Variants in CSMD1 observed in about 807,000 individuals in gnomAD.
CSMD1 encodes CUB and Sushi multiple domains 1.
In CSMD1, 213 loss-of-function variants were observed where a neutral mutation model predicts 417.5. The ratio of observed to expected loss-of-function variants is 0.51; its 90% CI spans 0.46 to 0.57. The LOEUF is 0.57. Among genes scored for constraint, CSMD1 ranks in the 20% least tolerant of loss-of-function variants. The pLI is 0.00. For missense variants in CSMD1, 6,923 were observed against 4,529.7 expected (o/e 1.53, Z -15.17); for synonymous variants, 2,862 against 1,736.8 (o/e 1.65, Z -16.11).
At chr8:3,001,411 T>G (rs1807395972) in intron 52 of CSMD1, among the ~76,000 whole-genome samples, 3 of 152,144 alleles carry the variant, frequency 2.0e-5, no homozygotes, top group Admixed American at 2.0e-4. Context: ...ATGGAAAGGG[T>G]ATTCTTATTA....
Position 4,174,107 on chromosome 8 carries a change from G to C in CSMD1, c.416-142008C>G, listed in dbSNP as rs558409395. Among the ~76,000 whole-genome samples the C allele has an allele frequency of 2.6e-4, 39 of 152,244 alleles. 1 individual carries two copies. Among genetic ancestry groups the C allele is most frequent in the African/African-American group, 8.9e-4 (37 of 41,520 alleles). On this transcript the variant is annotated intron_variant, in intron 3 of 69. Transcript: ENST00000635120. ...CAACATCAGGGAGACTCACAGAGTG[G>C]AGGGTAGGGCAAGCCTGGAAAGGGA...
chr8:4,426,605 ATAAAT>A (rs1488166819), intron 2 of CSMD1, among the ~76,000 whole-genome samples: 3 of 104,894 alleles, frequency 2.9e-5, no homozygotes, highest in African/African-American at 1.1e-4. Context: ...TATATATACT[ATAAAT>A]TATATTGTTT....
chr8:4,031,806 A>G, intron 4 of CSMD1, 99 bp downstream of exon 4: 1 of 873,710 alleles, frequency 1.1e-6, no homozygotes, highest in Non-Finnish European at 1.7e-6. Context: ...TCAGCTCAAC[A>G]TGTATTATTT....
intron 49 of CSMD1, among the ~76,000 whole-genome samples, chr8:3,066,794 G>A (rs1182984464): frequency 2.0e-5 from 3 of 152,242 alleles, no homozygotes; most frequent in East Asian, 1.9e-4. Flanking sequence ...CAGAAAATTG[G>A]AAACTCTTAT....
At chr8:3,498,956 A>C (rs915775044) in intron 10 of CSMD1, among the ~76,000 whole-genome samples, 1 of 152,116 alleles carries the variant, frequency 6.6e-6, no homozygotes, top group Non-Finnish European at 1.5e-5. Flanking sequence ...TATCTTTAAC[A>C]TCATTATTTT....
At chr8:3,531,512 T>C (rs1195894230) in intron 10 of CSMD1, among the ~76,000 whole-genome samples, 1 of 152,060 alleles carries the variant, frequency 6.6e-6, no homozygotes, top group Non-Finnish European at 1.5e-5. Context: ...CAGGGTAGCA[T>C]AAAGAAGAAG....
chr8:4,275,257 G>C (rs1796416572), intron 3 of CSMD1, among the ~76,000 whole-genome samples: 1 of 152,056 alleles, frequency 6.6e-6, no homozygotes, highest in Middle Eastern at 3.2e-3. Flanking sequence ...TGGGCGAAAT[G>C]AAAGCAATAT....
chr8:4,494,324 T>C (rs1031322247), intron 2 of CSMD1, among the ~76,000 whole-genome samples: 1 of 152,228 alleles, frequency 6.6e-6, no homozygotes, highest in Non-Finnish European at 1.5e-5. Context: ...GTTATTTTCA[T>C]GGCCATGGTA....
chr8:4,459,624 G>A (rs560743755), intron 2 of CSMD1, among the ~76,000 whole-genome samples: 27 of 152,244 alleles, frequency 1.8e-4, no homozygotes, highest in East Asian at 9.6e-4. Flanking sequence ...ATCGCATTGT[G>A]GGTTAGAACA....
At chr8:4,757,351 G>A (rs1043698335) in intron 1 of CSMD1, among the ~76,000 whole-genome samples, 2 of 152,064 alleles carry the variant, frequency 1.3e-5, no homozygotes, top group African/African-American at 4.8e-5. Context: ...TGCTAGCTAG[G>A]CCCCAACTCA....
Position 4,136,207 on chromosome 8 carries a change from A to G in CSMD1, c.416-104108T>C, listed in dbSNP as rs535141992. ...AAAAGAACAGCTATGTGAACACAAAAATTGATCACATATATAGAAATGAAC... is the reference window on the plus strand; with the variant it reads ...AAAAGAACAGCTATGTGAACACAAAGATTGATCACATATATAGAAATGAAC... On this transcript the variant is annotated intron_variant, in intron 3 of 69. Transcript: ENST00000635120. Among the ~76,000 whole-genome samples the G allele has an allele frequency of 3.3e-4, 51 of 152,316 alleles. No individual in the cohort carries two copies. In the South Asian group the frequency reaches 1.0e-2, roughly 30 times the overall value.
In CSMD1 at chr8:4,447,432, A is replaced by T. The variant is rs144638589; in HGVS notation, c.303-27367T>A. ...CCTGAAGTGGATGGCATTTGTCTGG[A>T]CCCAGAGGAAGGAGTAGAATTTATA... On this transcript the variant is annotated intron_variant, in intron 2 of 69. Transcript: ENST00000635120. Among the ~76,000 whole-genome samples the T allele has an allele frequency of 3.3e-5, 5 of 152,312 alleles. No individual in the cohort carries two copies. The East Asian group carries it at 9.6e-4, about 29-fold the overall frequency.
Position 3,205,610 on chromosome 8 carries a change from T to A in CSMD1, c.4878A>T (p.Gly1626=), listed in dbSNP as rs1490878917. Residue 1626 remains glycine, a synonymous_variant, in exon 31 of 70, where the codon GGA becomes GGT. Transcript: ENST00000635120. ...QVLPSCNAPC[G]GQYTGSEGVV... is the part of the protein sequence containing the mutation. ...CCCCTTCTGATCCCGTGTACTGGCC[T>A]CCACAGGGAGCTGAAAATAAAATCA... The A allele has an allele frequency of 2.6e-6, 4 of 1,540,024 alleles. No individual in the cohort carries two copies. Among genetic ancestry groups the A allele is most frequent in the Non-Finnish European group, 3.5e-6 (4 of 1,128,470 alleles).
intron 12 of CSMD1, among the ~76,000 whole-genome samples, chr8:3,418,706 A>C (rs1049208170): frequency 6.6e-6 from 1 of 152,158 alleles, no homozygotes; most frequent in East Asian, 1.9e-4. Flanking sequence ...AGAAATCTAC[A>C]TTAACATCAC....
chr8:4,001,198 G>A (rs1328936935), intron 4 of CSMD1, among the ~76,000 whole-genome samples: 1 of 152,188 alleles, frequency 6.6e-6, no homozygotes, highest in East Asian at 1.9e-4. Flanking sequence ...CAAGTGTATA[G>A]AATAAGAAGC....
chr8:4,801,321 G>A (rs1798269928), intron 1 of CSMD1, among the ~76,000 whole-genome samples: 3 of 152,140 alleles, frequency 2.0e-5, no homozygotes, highest in Admixed American at 2.0e-4. Context: ...GAGGGTGGAA[G>A]TGGAAGATGT....
intron 1 of CSMD1, among the ~76,000 whole-genome samples, chr8:4,940,968 C>A (rs12544963): frequency 0.89 from 135,149 of 152,070 alleles, 60,765 homozygotes; most frequent in Non-Finnish European, 0.96. Context: ...ATGGATTTTT[C>A]AAATGTATTT....
chr8:4,928,184 C>T (rs972732058), intron 1 of CSMD1, among the ~76,000 whole-genome samples: 10 of 152,156 alleles, frequency 6.6e-5, no homozygotes, highest in African/African-American at 2.4e-4. Context: ...TTGGCACTGC[C>T]TGGAGTGCCC....
chr8:3,142,534 G>C lies in CSMD1; in HGVS notation c.6172C>G (p.His2058Asp). 1.2e-6 allele frequency: 2 copies of C among 1,614,000 alleles called. No individual in the cohort carries two copies. Among genetic ancestry groups the C allele is most frequent in the Non-Finnish European group, 1.7e-6 (2 of 1,179,896 alleles). The change falls in exon 41 of 70, where the codon CAT becomes GAT. Residue 2058 changes from histidine to aspartate, a missense_variant. Transcript: ENST00000635120. Reference protein sequence around the residue: ...DLPAALLSTTHETLIHFYSDH... With the variant: ...DLPAALLSTTDETLIHFYSDH... ...CTATAAAAGTGGATGAGGGTTTCAT[G>C]CGTTGTGCTCAGCAGGGCCGCGGGG...
Sources: allele counts gnomAD v4.1 joint callset (sites outside exome capture counted in the v4.1 genomes callset), GRCh38; gene constraint gnomAD v4.1.1; transcripts MANE v1.5; gene names NCBI Gene and HGNC (gene_info 2026-07-23, HGNC 2026-07-21).